ZNF577: variants seen among roughly 807,000 people sequenced by gnomAD.
ZNF577 encodes zinc finger protein 577.
Under a neutral mutation model 13.9 loss-of-function variants are expected in ZNF577, and 14 were observed. The ratio of observed to expected loss-of-function variants is 1.00; its 90% CI spans 0.66 to 1.57. ZNF577 has a LOEUF of 1.57. Ranked by LOEUF, ZNF577 falls within the 40% of genes most tolerant of loss-of-function variation. The pLI, the probability that ZNF577 is intolerant of heterozygous loss-of-function variation, is 0.00. For missense variants in ZNF577, 555 were observed against 579.2 expected (o/e 0.96, Z 0.43); for synonymous variants, 203 against 202.9 (o/e 1.00, Z 0.00).
At chr19:51,804,453 C>T (rs1028450058), downstream of ZNF577, among the ~76,000 whole-genome samples, 2 of 152,034 alleles carry the variant, frequency 1.3e-5, no homozygotes, top group Non-Finnish European at 2.9e-5. Context: ...GAATTATGTA[C>T]ATTTAATATA....
chr19:51,826,087 G>T (rs1021734435), intron 9 of ZNF577: 8 of 157,530 alleles, frequency 5.1e-5, no homozygotes, highest in African/African-American at 1.9e-4. Context: ...ATATTAACGT[G>T]ATCATATTAT....
At chr19:51,860,284 C>A (rs573950729) in intron 5 of ZNF577, 4 of 152,288 alleles carry the variant, frequency 2.6e-5, no homozygotes, top group Admixed American at 2.6e-4. Context: ...CTGTATGGAG[C>A]AAATTCTGCT....
rs139243059 is a variant in ZNF577 at position 51,872,786 on chromosome 19, C to T, written c.1204G>A (p.Glu402Lys). The change falls in exon 6 of 6, where the codon GAA becomes AAA. Residue 402 changes from glutamate to lysine, a missense_variant. Coordinates refer to ENST00000638348, the MANE Select transcript of ZNF577 (RefSeq NM_001370449.1). ...ACAGTCTTTTGCTCTTGTATGAGTT[C>T]GCTCATGTATAAGGAGGTATGACTC... Reference protein sequence around the residue: ...SRSHTSLYMSELIQEQKTVNT... With the variant: ...SRSHTSLYMSKLIQEQKTVNT... 9.7e-5 allele frequency: 156 copies of T among 1,614,166 alleles called. No individual in the cohort carries two copies. The African/African-American group carries it at 1.7e-3, about 18-fold the overall frequency.
intron 10 of ZNF577, among the ~76,000 whole-genome samples, chr19:51,810,146 C>G (rs570004163): frequency 6.6e-6 from 1 of 152,218 alleles, no homozygotes; most frequent in African/African-American, 2.4e-5. Flanking sequence ...AGGGTTTGAC[C>G]CTTGGCTCCT....
downstream of ZNF577, among the ~76,000 whole-genome samples, chr19:51,863,395 A>G (rs1044592603): frequency 1.3e-5 from 2 of 152,226 alleles, no homozygotes; most frequent in African/African-American, 2.4e-5. Flanking sequence ...TATTAGTAAG[A>G]TGGTTAAATT....
intron 9 of ZNF577, among the ~76,000 whole-genome samples, chr19:51,837,424 G>A (rs2109656): frequency 0.39 from 58,447 of 151,710 alleles, 11,426 homozygotes; most frequent in South Asian, 0.48. Flanking sequence ...AAAGGTGTGA[G>A]TTTTGAGGGG....
rs529685210 is a variant in ZNF577, at chr19:51,885,275, G to A, written c.-219+1546C>T. 9.8e-5 allele frequency among the ~76,000 whole-genome samples: 15 copies of A among 152,302 alleles called. No homozygotes were observed. In the East Asian group the frequency reaches 2.9e-3, roughly 29 times the overall value. ...TTTCATTCTATAATTGCAGAACCTA[G>A]TAGATGCAGACAAGACCATTTAGCC... On this transcript the variant is annotated intron_variant, in intron 1 of 5. Transcript: ENST00000638348.
At chr19:51,811,994 A>G (rs774787653) in intron 9 of ZNF577, among the ~76,000 whole-genome samples, 2 of 152,206 alleles carry the variant, frequency 1.3e-5, no homozygotes, top group Non-Finnish European at 2.9e-5. Flanking sequence ...AGGCAACTAC[A>G]TATAAAATTT....
intron 4 of ZNF577, 118 bp from the exon 5 acceptor site, chr19:51,877,495 C>T (rs1355126878): frequency 5.0e-6 from 4 of 801,784 alleles, no homozygotes; most frequent in Non-Finnish European, 8.2e-6. Flanking sequence ...AACTCTTTCA[C>T]TCAGGAAAAG....
In ZNF577 at chr19:51,868,665, G is replaced by A. The variant is rs753003721; in HGVS notation, c.*3867C>T. On this transcript the variant is annotated 3_prime_UTR_variant, in exon 6 of 6. Coordinates refer to ENST00000638348, the MANE Select transcript of ZNF577 (RefSeq NM_001370449.1). The stretch of plus-strand genomic sequence containing the variant: ...ACCGGCTAAGGTTCTGACTACTACC[G>A]TCTTCAACTGCCTTGAACACCCAGA... Among the ~76,000 whole-genome samples, 20 of 152,108 alleles carry A rather than the reference G, an allele frequency of 1.3e-4. No homozygotes were observed. Among genetic ancestry groups the A allele is most frequent in the Non-Finnish European group, 1.3e-4 (9 of 68,028 alleles).
chr19:51,826,635 TAGTATTGCAGTAAAGAAAGATGC>T (rs1394827847), intron 9 of ZNF577, among the ~76,000 whole-genome samples: 2 of 152,188 alleles, frequency 1.3e-5, no homozygotes, highest in Non-Finnish European at 2.9e-5. Context: ...ACTGAGACTG[TAGTATTGCAGTAAAGAAAGATGC>T]AGTATTGCAG....
At chr19:51,852,052 G>T (rs2084381400) in intron 5 of ZNF577, among the ~76,000 whole-genome samples, 1 of 152,144 alleles carries the variant, frequency 6.6e-6, no homozygotes, top group Non-Finnish European at 1.5e-5. Context: ...AAAGTATAAG[G>T]CTTCCTACAC....
In ZNF577 at chr19:51,887,657, A is replaced by G. The variant is rs2084970768; in HGVS notation, c.-1055T>C. The G allele has an allele frequency of 1.3e-5, 2 of 152,148 alleles. No individual in the cohort carries two copies. Among genetic ancestry groups the G allele is most frequent in the Admixed American group, 6.5e-5 (1 of 15,270 alleles). The allele number at this position is 152,148 out of a possible 1,614,324, so 9.4% of individuals were successfully genotyped here. A position where few individuals can be genotyped will look rare whatever the true frequency, so the allele number is the denominator to read the frequency against. ...GAAGACCTCCCAAGCACTGGTTCCAATGCGGAGACCATGGGCTCCCAGACT... is the reference window on the plus strand; with the variant it reads ...GAAGACCTCCCAAGCACTGGTTCCAGTGCGGAGACCATGGGCTCCCAGACT... On this transcript the variant is annotated 5_prime_UTR_variant, in exon 1 of 6. Transcript: ENST00000638348.
Position 51,852,329 on chromosome 19 carries a change from T to C in ZNF577, c.284-7398A>G, listed in dbSNP as rs577772726. Among the ~76,000 whole-genome samples, 139 of 152,306 alleles carry C rather than the reference T, an allele frequency of 9.1e-4. No homozygotes were observed. In the Middle Eastern group the frequency reaches 0.01, roughly 11 times the overall value. On this transcript the variant is annotated intron_variant and NMD_transcript_variant, in intron 5 of 10. Transcript: ENST00000638827. Reference sequence around the variant, plus strand: ...AATTGCAACCCACCTTTTCTGTCCTTTTCCAAGACACGTCAGCACGAGCAT... The same window carrying C: ...AATTGCAACCCACCTTTTCTGTCCTCTTCCAAGACACGTCAGCACGAGCAT...
At position 51,878,501 on chromosome 19, in the gene ZNF577, G is replaced by A. The variant is rs61747861; in HGVS notation, c.75C>T (p.Phe25=). The A allele has an allele frequency of 2.5e-4, 404 of 1,614,004 alleles. 2 individuals are homozygous for A. The African/African-American group carries it at 4.9e-3, about 20-fold the overall frequency. ...GSSSGEGSLS[F]EDVAVGFTRE... ...TGGTGAAGCCCACAGCCACATCTTC[G>A]AATGACAATGACCCCTATAATAACA... Residue 25 remains phenylalanine (F), a synonymous_variant, in exon 4 of 6, where the codon TTC becomes TTT. Transcript: ENST00000638348.
chr19:51,811,594 T>G (rs2084096908), exon 10 of ZNF577: 2 of 152,228 alleles, frequency 1.3e-5, no homozygotes, highest in Admixed American at 1.3e-4. Context: ...GACTGTCGCC[T>G]GTTTGAGTGC....
chr19:51,808,532 C>A (rs996088755), intron 10 of ZNF577, among the ~76,000 whole-genome samples: 1 of 152,126 alleles, frequency 6.6e-6, no homozygotes, highest in Non-Finnish European at 1.5e-5. Flanking sequence ...GCTGACATAG[C>A]GTAAGACTGT....
rs542271305 is a variant in ZNF577, at chr19:51,878,821, T to C, written c.61-306A>G. 2.2e-4 allele frequency: 56 copies of C among 257,458 alleles called. No individual in the cohort carries two copies. The South Asian group carries it at 3.8e-3, about 18-fold the overall frequency. 15.9% of individuals were successfully genotyped at this position (257,458 alleles called of 1,614,324 possible). A position where few individuals can be genotyped will look rare whatever the true frequency, so the allele number is the denominator to read the frequency against. ...ACAGGGTTAAATTACAGCACCTCCA[T>C]GCTATAATATACTGCAAAAATGTTA... On this transcript the variant is annotated intron_variant, in intron 3 of 5. Coordinates refer to ENST00000638348, the MANE Select transcript of ZNF577 (RefSeq NM_001370449.1).
At chr19:51,875,488 G>A (rs375494795) in intron 5 of ZNF577, among the ~76,000 whole-genome samples, 1 of 151,978 alleles carries the variant, frequency 6.6e-6, no homozygotes, top group East Asian at 1.9e-4. Context: ...AAAATGCAAC[G>A]TGATCAAATG....
Sources: gnomAD v4.1 joint callset for allele counts (sites outside exome capture counted in the v4.1 genomes callset) on GRCh38, gnomAD v4.1.1 for gene constraint, MANE v1.5 for transcripts, NCBI Gene and HGNC (gene_info 2026-07-23, HGNC 2026-07-21) for gene names.